Variants in ODF2L observed in about 807,000 individuals in gnomAD.
ODF2L encodes outer dense fiber of sperm tails 2 like.
A neutral mutation model predicts 86.3 loss-of-function variants in ODF2L; 76 were observed. That is an observed-to-expected ratio of 0.88 (90% CI 0.73 to 1.07). The LOEUF (loss-of-function observed/expected upper bound fraction) is 1.07, where lower values mean the gene tolerates loss of function less well. Ranked by LOEUF, ODF2L falls within the 50% of genes least tolerant of loss-of-function variation. The probability of loss-of-function intolerance (pLI) is 0.00; values close to 1 mark genes in which losing one functional copy is unlikely to be tolerated. For missense variants in ODF2L, 748 were observed against 717.4 expected (o/e 1.04, Z -0.49); for synonymous variants, 241 against 231.3 (o/e 1.04, Z -0.38).
intron 7 of ODF2L, among the ~76,000 whole-genome samples, chr1:86,381,144 G>T (rs187823117): frequency 4.8e-4 from 73 of 152,156 alleles, no homozygotes; most frequent in African/African-American, 1.6e-3. Context: ...TTTGGTAAAA[G>T]AATTTGAATT....
At chr1:86,360,178 T>C (rs1658928541) in intron 12 of ODF2L, among the ~76,000 whole-genome samples, 1 of 152,180 alleles carries the variant, frequency 6.6e-6, no homozygotes, top group South Asian at 2.1e-4. Flanking sequence ...ATTATACCGA[T>C]GTAATTCATT....
chr1:86,354,803 A>G (rs1347661066), exon 15 of ODF2L: 1 of 1,606,146 alleles, frequency 6.2e-7, no homozygotes, highest in African/African-American at 1.3e-5. Flanking sequence ...TCAGCTGAAT[A>G]AGACAGTTTT....
Position 86,368,382 on chromosome 1 carries a change from A to C in ODF2L, c.1143+254T>G, listed in dbSNP as rs568364628. Reference sequence around the variant, plus strand: ...TTATGTTAGTGCTCGACTAATTAGAAGGTTAATATAATTGACTAAATTTGA... The same window carrying C: ...TTATGTTAGTGCTCGACTAATTAGACGGTTAATATAATTGACTAAATTTGA... On this transcript the variant is annotated intron_variant, in intron 11 of 17. Coordinates refer to ENST00000317336, the Ensembl canonical transcript of ODF2L. Among the ~76,000 whole-genome samples the C allele has an allele frequency of 3.0e-4, 46 of 152,278 alleles. No individual in the cohort carries two copies. In the South Asian group the frequency reaches 9.1e-3, roughly 30 times the overall value.
chr1:86,364,964 C>T (rs560011555), intron 11 of ODF2L, among the ~76,000 whole-genome samples: 40 of 152,258 alleles, frequency 2.6e-4, no homozygotes, highest in African/African-American at 8.9e-4. Context: ...CCTAGTGCTG[C>T]TAGTGTATTT....
At chr1:86,370,359 C>A (rs1191725605) in intron 10 of ODF2L, among the ~76,000 whole-genome samples, 1 of 148,810 alleles carries the variant, frequency 6.7e-6, no homozygotes, top group African/African-American at 2.4e-5. Flanking sequence ...GCTTATATTA[C>A]AAGTTTCTCT....
chr1:86,395,518 C>A lies in ODF2L; in HGVS notation c.-60+515G>T, dbSNP rs971032414. Among the ~76,000 whole-genome samples, 5 of 152,242 alleles carry A rather than the reference C, an allele frequency of 3.3e-5. No individual in the cohort carries two copies. In the South Asian group the frequency reaches 6.2e-4, roughly 19 times the overall value. On this transcript the variant is annotated intron_variant, in intron 1 of 17. Transcript: ENST00000317336. ...ACAAGTCGGCCTTTAGCACTCTCCA[C>A]GACCCTAGGTCAATCCCGCACTACA...
rs957927768 is a variant in ODF2L at position 86,351,963 on chromosome 1, G to GCA, written c.*226_*227dup. 2.0e-5 allele frequency: 25 copies of GCA among 1,245,252 alleles called. No individual in the cohort carries two copies. The African/African-American group carries it at 3.7e-4, about 19-fold the overall frequency. 77.1% of individuals were successfully genotyped at this position (1,245,252 alleles called of 1,614,324 possible). A position where few individuals can be genotyped will look rare whatever the true frequency, so the allele number is the denominator to read the frequency against. ...GAGGCTTCAATTACACAAAAAAACAGCACACACATTTTACAATATCAGAAA... is the reference window on the plus strand; with the variant it reads ...GAGGCTTCAATTACACAAAAAAACAGCACACACACATTTTACAATATCAGAAA... On this transcript the variant is annotated 3_prime_UTR_variant, in exon 18 of 18. Transcript: ENST00000317336.
chr1:86,394,228 T>C (rs1321383121), intron 1 of ODF2L, among the ~76,000 whole-genome samples: 11 of 152,220 alleles, frequency 7.2e-5, no homozygotes, highest in African/African-American at 2.4e-5. Context: ...TTAAAAGCCA[T>C]GAGATGGTGA....
intron 12 of ODF2L, among the ~76,000 whole-genome samples, chr1:86,359,480 C>T (rs1340308219): frequency 6.6e-6 from 1 of 151,858 alleles, no homozygotes; most frequent in Non-Finnish European, 1.5e-5. Context: ...CCTACTTGCC[C>T]ACACTTTGGC....
chr1:86,395,570 A>T (rs1661678518), intron 1 of ODF2L, among the ~76,000 whole-genome samples: 1 of 152,208 alleles, frequency 6.6e-6, no homozygotes, highest in African/African-American at 2.4e-5. Flanking sequence ...GCTGGAACCT[A>T]GAGGAATCCT....
chr1:86,368,390 A>G (rs1659586178), intron 11 of ODF2L, among the ~76,000 whole-genome samples: 1 of 152,164 alleles, frequency 6.6e-6, no homozygotes, highest in African/African-American at 2.4e-5. Flanking sequence ...GAAGGTTAAT[A>G]TAATTGACTA....
At chr1:86,385,490 T>C (rs1021258892) in exon 3 of ODF2L, 1 of 1,597,794 alleles carries the variant, frequency 6.3e-7, no homozygotes, top group Admixed American at 1.7e-5. Context: ...ATGGTGTCCT[T>C]AAATAGTGGC....
chr1:86,360,636 G>T, intron 11 of ODF2L, 100 bp from the exon 11 acceptor site: 1 of 526,398 alleles, frequency 1.9e-6, no homozygotes, highest in Non-Finnish European at 3.4e-6. Context: ...TAACAAAGTT[G>T]ATAAAATAAT....
intron 11 of ODF2L, among the ~76,000 whole-genome samples, chr1:86,367,569 AAAC>A (rs1295282149): frequency 6.6e-6 from 1 of 151,708 alleles, no homozygotes; most frequent in Non-Finnish European, 1.5e-5. Flanking sequence ...AAAAAAAACA[AAAC>A]AACAACAAAA....
chr1:86,352,312 A>G (rs939246192), intron 17 of ODF2L: 2 of 1,305,176 alleles, frequency 1.5e-6, no homozygotes, highest in African/African-American at 1.5e-5. Context: ...TTCTATGCCA[A>G]TTGACTGTTT....
At chr1:86,367,532 T>C (rs1570384776) in intron 11 of ODF2L, among the ~76,000 whole-genome samples, 1 of 124,802 alleles carries the variant, frequency 8.0e-6, no homozygotes, top group Non-Finnish European at 1.7e-5. Context: ...AGAATAGAGA[T>C]AGGATGAAGA....
intron 8 of ODF2L, among the ~76,000 whole-genome samples, chr1:86,375,536 T>G (rs955718280): frequency 2.0e-5 from 3 of 152,062 alleles, no homozygotes; most frequent in Admixed American, 6.5e-5. Flanking sequence ...TCAGTGAGAC[T>G]TTTTTAAAAA....
At chr1:86,375,014 T>C (rs776730415) in intron 8 of ODF2L, 1 of 152,010 alleles carries the variant, frequency 6.6e-6, no homozygotes, top group Non-Finnish European at 1.5e-5. Context: ...ACAACAGCAG[T>C]GATAAATGAA....
intron 13 of ODF2L, 115 bp downstream of exon 12, chr1:86,358,672 G>A (rs1330816721): frequency 6.6e-6 from 3 of 454,816 alleles, no homozygotes; most frequent in African/African-American, 6.2e-5. Context: ...CAGAGGCTAA[G>A]ACTAGCCCTT....
Sources: allele counts gnomAD v4.1 joint callset (sites outside exome capture counted in the v4.1 genomes callset), GRCh38; gene constraint gnomAD v4.1.1; transcripts MANE v1.5; gene names NCBI Gene and HGNC (gene_info 2026-07-23, HGNC 2026-07-21).